Variants in PNPLA7 observed in about 807,000 individuals in gnomAD.
PNPLA7 encodes patatin like domain 7, lysophospholipase, also known as patatin-like phospholipase domain-containing protein 7.
Under a neutral mutation model 161.7 loss-of-function variants are expected in PNPLA7, and 153 were observed. That is an observed-to-expected ratio of 0.95 (90% CI 0.83 to 1.08). The LOEUF (loss-of-function observed/expected upper bound fraction) is 1.08. PNPLA7 is among the 50% of genes least tolerant of loss of function. The pLI, the probability that PNPLA7 is intolerant of heterozygous loss-of-function variation, is 0.00. For synonymous variants in PNPLA7, 809 were observed against 782.1 expected, an observed-to-expected ratio of 1.03 and a Z score of -0.57; for missense variants, 1,739 against 1,856.6, an observed-to-expected ratio of 0.94 and a Z score of 1.16.
intron 8 of PNPLA7, among the ~76,000 whole-genome samples, chr9:137,528,348 G>A (rs1835404363): frequency 6.6e-6 from 1 of 152,122 alleles, no homozygotes; most frequent in Non-Finnish European, 1.5e-5. Flanking sequence ...TCTGAGACTT[G>A]TTTTATTTTC....
chr9:137,492,818 G>A (rs1490569197), intron 20 of PNPLA7, among the ~76,000 whole-genome samples, 195 bp downstream of exon 20: 32 of 147,628 alleles, frequency 2.2e-4, no homozygotes, highest in Non-Finnish European at 3.6e-4. Context: ...GGTGGGCTAC[G>A]GCTCTGGGAC....
At position 137,480,380 on chromosome 9, in the gene PNPLA7, G is replaced by A. The variant is rs543968310; in HGVS notation, c.2512C>T (p.Arg838Cys). 11 of 1,613,472 alleles carry A rather than the reference G, an allele frequency of 6.8e-6. No individual in the cohort carries two copies. The East Asian group carries it at 8.9e-5, about 13-fold the overall frequency. The change falls in exon 23 of 35, where the codon CGC becomes TGC. Residue 838 changes from arginine (R) to cysteine (C), a missense_variant. By Grantham distance (180) the Arg-to-Cys change is radical. Around this residue, in one of 6 missense-constraint regions of PNPLA7, gnomAD observed 192 missense variants for 249.5 expected, o/e 0.77. Transcript: ENST00000406427. ...ATGCAGTCGGCCTGGCGCACGCAGC[G>A]CTGGGTCCAGGGTGTGAGCGTGCCA... ...ADGTLTPWTQ[R>C]CVRQADCILI...
chr9:137,526,337 G>A (rs1242992227), intron 8 of PNPLA7, among the ~76,000 whole-genome samples: 2 of 152,102 alleles, frequency 1.3e-5, no homozygotes, highest in African/African-American at 4.8e-5. Flanking sequence ...GAGTGCAATG[G>A]CGCGATCTCA....
chr9:137,493,557 A>C (rs1203208222), intron 19 of PNPLA7, among the ~76,000 whole-genome samples: 1 of 152,250 alleles, frequency 6.6e-6, no homozygotes, highest in East Asian at 1.9e-4. Flanking sequence ...AACGGTCCCC[A>C]CACCAGGGGT....
At chr9:137,469,795 C>A (rs1466179126) in intron 25 of PNPLA7, among the ~76,000 whole-genome samples, 1 of 151,956 alleles carries the variant, frequency 6.6e-6, no homozygotes, top group Non-Finnish European at 1.5e-5. Flanking sequence ...CCGGGTGAAG[C>A]CGATCAAGGA....
chr9:137,518,239 C>G (rs557936712), intron 11 of PNPLA7, among the ~76,000 whole-genome samples: 2 of 144,266 alleles, frequency 1.4e-5, no homozygotes, highest in East Asian at 4.2e-4. Flanking sequence ...TCACTCCACT[C>G]TGTCCACTCC....
intron 17 of PNPLA7, among the ~76,000 whole-genome samples, chr9:137,497,750 A>G (rs1833141561): frequency 6.6e-6 from 1 of 152,160 alleles, no homozygotes; most frequent in African/African-American, 2.4e-5. Flanking sequence ...GCTGGTCTCA[A>G]ACTCCTGACC....
In PNPLA7 at chr9:137,500,928, G is replaced by A. The variant is rs375416868; in HGVS notation, c.1552-32C>T. The A allele has an allele frequency of 8.2e-5, 126 of 1,534,444 alleles. No homozygotes were observed. The highest frequency in any genetic ancestry group is 1.7e-4 in the Middle Eastern group (1 of 5,968). ...CACGAGAGGGCTCAGGAGGCGCCGC[G>A]AGTGGCCGCGGGCAGGACGGGGGCA... is the stretch of plus-strand genomic sequence containing the variant. On this transcript the variant is annotated intron_variant, in intron 15 of 34. Transcript: ENST00000406427. This position sits in a 1 kb window ranked among gnomAD's most constrained non-coding sequence, Gnocchi z 5.5.
chr9:137,540,929 A>G lies in PNPLA7; in HGVS notation c.667-207T>C. The G allele has an allele frequency of 1.8e-6, 1 of 547,032 alleles. No individual in the cohort carries two copies. The allele number at this position is 547,032 out of a possible 1,614,324, so 33.9% of individuals were successfully genotyped here. On this transcript the variant is annotated intron_variant, in intron 7 of 34. Coordinates refer to ENST00000406427, the MANE Select transcript of PNPLA7 (RefSeq NM_001098537.3). The surrounding 1 kb of genome is among the most constrained non-coding windows in gnomAD (Gnocchi z 5.1). ...CAACACACAGGAAGCGGCAGCAAGG[A>G]AAACAGACGGAGGAGACCCCACCTC...
intron 3 of PNPLA7, 80 bp from the exon 4 acceptor site, chr9:137,546,989 G>A: frequency 7.4e-7 from 1 of 1,355,690 alleles, no homozygotes; most frequent in African/African-American, 1.4e-5. Context: ...AGCACAGTCA[G>A]TCATACTCTC....
chr9:137,542,680 CCA>C lies in PNPLA7; in HGVS notation c.626_627del (p.Val209GlyfsTer14). The C allele has an allele frequency of 6.2e-7, 1 of 1,613,142 alleles. No individual in the cohort carries two copies. The highest frequency in any genetic ancestry group is 8.5e-7 in the Non-Finnish European group (1 of 1,180,032). ...QPREPDPSIC[V>X]VQDGRLEVCI... ...CAGACCTCCAGCCGCCCGTCCTGCA[CCA>C]CACAGATGCTGGGGTCCGGCTCCCT... is the stretch of plus-strand genomic sequence containing the variant. On this transcript the variant is annotated frameshift_variant, in exon 7 of 35. Transcript: ENST00000406427. LOFTEE classifies it high-confidence loss of function.
intron 11 of PNPLA7, among the ~76,000 whole-genome samples, chr9:137,518,954 A>C (rs1588666365): frequency 5.1e-5 from 4 of 77,936 alleles, no homozygotes; most frequent in Admixed American, 1.6e-4. Flanking sequence ...CTCCATCCTC[A>C]CTCACTCACT....
intron 22 of PNPLA7, 143 bp downstream of exon 22, chr9:137,480,817 G>C (rs1243104013): frequency 1.0e-5 from 10 of 958,008 alleles, no homozygotes; most frequent in Non-Finnish European, 1.4e-5. Context: ...AGTGAAGGGA[G>C]TCACGTCATC....
Position 137,461,982 on chromosome 9 carries a change from C to T in PNPLA7, c.3705G>A (p.Leu1235=), listed in dbSNP as rs773823806. 4 of 1,601,504 alleles carry T rather than the reference C, an allele frequency of 2.5e-6. No individual in the cohort carries two copies. Among genetic ancestry groups the T allele is most frequent in the Non-Finnish European group, 1.7e-6 (2 of 1,176,696 alleles). ...CCTGCTGGTCGCGGAGCATCTTCTC[C>T]AGCACGCCGCTGCGGCCCCAGATGT... ...VFDIWGRSGV[L]EKMLRDQQGP... is the part of the protein sequence containing the mutation. The change falls in exon 32 of 35, where the codon CTG becomes CTA. Residue 1235 remains leucine, a synonymous_variant. Transcript: ENST00000406427.
At chr9:137,511,438 C>T (rs938396785) in intron 12 of PNPLA7, among the ~76,000 whole-genome samples, 6 of 149,412 alleles carry the variant, frequency 4.0e-5, no homozygotes, top group African/African-American at 1.2e-4. Context: ...CTGGCGGTAG[C>T]GCCAGCGCCT....
chr9:137,471,203 A>G (rs1397409364), intron 25 of PNPLA7, among the ~76,000 whole-genome samples: 2 of 152,280 alleles, frequency 1.3e-5, no homozygotes, highest in African/African-American at 4.8e-5. Context: ...CAAAGCTACA[A>G]GAATAAATGA....
rs1046676292 is a variant in PNPLA7, at chr9:137,479,000, G to A, written c.2763+56C>T. ...GGGGAATGTGAAGAATGCTTCGAAC[G>A]TTCGAGGAAATGAACCACGGAGCCA... On this transcript the variant is annotated intron_variant, in intron 24 of 34. Coordinates refer to ENST00000406427, the MANE Select transcript of PNPLA7 (RefSeq NM_001098537.3). 11 of 1,479,008 alleles carry A rather than the reference G, an allele frequency of 7.4e-6. No homozygotes were observed. In the East Asian group the frequency reaches 7.5e-5, roughly 10 times the overall value. 91.6% of individuals were successfully genotyped at this position (1,479,008 alleles called of 1,614,324 possible). A position where few individuals can be genotyped will look rare whatever the true frequency, so the allele number is the denominator to read the frequency against.
In PNPLA7 at chr9:137,520,512, G is replaced by A. The variant is rs1834929821; in HGVS notation, c.958-469C>T. Among the ~76,000 whole-genome samples, 4 of 152,216 alleles carry A rather than the reference G, an allele frequency of 2.6e-5. No individual in the cohort carries two copies. The highest frequency in any genetic ancestry group is 2.6e-4 in the Admixed American group (4 of 15,280). On this transcript the variant is annotated intron_variant, in intron 10 of 34. Transcript: ENST00000406427. The surrounding 1 kb of genome is among the most constrained non-coding windows in gnomAD (Gnocchi z 5.2). ...AACTGAAGACGACAAGCCCTAAAAT[G>A]TCATCAGAATTATGATTTCCAACTG...
chr9:137,506,850 G>A (rs948596645), intron 12 of PNPLA7, among the ~76,000 whole-genome samples: 5 of 152,248 alleles, frequency 3.3e-5, no homozygotes, highest in Non-Finnish European at 5.9e-5. Context: ...CCAGCCCTTC[G>A]TGTGCAGCTG....
Sources: gnomAD v4.1 joint callset for allele counts (sites outside exome capture counted in the v4.1 genomes callset) on GRCh38, gnomAD v4.1.1 for gene constraint, gnomAD v4.1.1 regional missense constraint, Gnocchi (gnomAD v3.1) non-coding constraint, MANE v1.5 for transcripts, NCBI Gene and HGNC (gene_info 2026-07-23, HGNC 2026-07-21) for gene names.